Variants in PGF observed in about 807,000 individuals in gnomAD.
PGF encodes the protein placenta growth factor.
Under a neutral mutation model 25.3 loss-of-function variants are expected in PGF, and 11 were observed. The observed-to-expected ratio is 0.43, with a 90% CI of 0.27 to 0.72. PGF has a LOEUF of 0.72. Among genes scored for constraint, PGF ranks in the 30% least tolerant of loss-of-function variants. The pLI, the probability that PGF is intolerant of heterozygous loss-of-function variation, is 0.18. For missense variants in PGF, 230 were observed against 234.9 expected, an observed-to-expected ratio of 0.98 and a Z score of 0.14; for synonymous variants, 105 against 97.9, an observed-to-expected ratio of 1.07 and a Z score of -0.43.
chr14:74,947,151 G>T, intron 4 of PGF: 1 of 439,262 alleles, frequency 2.3e-6, no homozygotes, highest in Non-Finnish European at 4.0e-6. Context: ...GGACTGTCTG[G>T]TTGTACCTCT....
chr14:74,950,859 C>T lies in PGF; in HGVS notation c.119-1306G>A, dbSNP rs957910901. On this transcript the variant is annotated intron_variant, in intron 2 of 6. Transcript: ENST00000555567. The surrounding 1 kb of genome is among the most constrained non-coding windows in gnomAD (Gnocchi z 4.1). ...TCCTGCTCTGCATCTGATGGTCATC[C>T]TCAGCTAGTGGGGAAGAATGGGGAG... Among the ~76,000 whole-genome samples the T allele has an allele frequency of 2.0e-5, 3 of 152,210 alleles. No individual in the cohort carries two copies. The highest frequency in any genetic ancestry group is 7.2e-5 in the African/African-American group (3 of 41,450).
chr14:74,948,514 C>A lies in PGF; in HGVS notation c.385G>T (p.Glu129Ter). The change falls in exon 4 of 7, where the codon GAA becomes TAA. Residue 129 changes from glutamate (E) to a stop codon, truncating the protein, a stop_gained. Coordinates refer to ENST00000555567, the MANE Select transcript of PGF (RefSeq NM_002632.6). LOFTEE classifies it high-confidence loss of function. ...CCGACCCCGGAGACCTACCGGCATT[C>A]GCAGCGAACGTGCTGAGAGAACGTC... ...ELTFSQHVRC[E>*]CRPLREKMKP... 6.3e-7 allele frequency: 1 copy of A among 1,591,586 alleles called. No homozygotes were observed. Among genetic ancestry groups the A allele is most frequent in the Admixed American group, 1.7e-5 (1 of 59,182 alleles).
intron 1 of PGF, chr14:74,954,221 A>C: frequency 2.1e-6 from 1 of 479,162 alleles, no homozygotes; most frequent in Non-Finnish European, 3.8e-6. Context: ...CATCCCAAAG[A>C]TCTTCCAATC....
At chr14:74,951,542 G>A (rs747168627) in intron 2 of PGF, among the ~76,000 whole-genome samples, 8 of 152,238 alleles carry the variant, frequency 5.3e-5, no homozygotes, top group Non-Finnish European at 1.0e-4. Flanking sequence ...GGGACCAGCC[G>A]TCAGCGAGGG....
intron 2 of PGF, among the ~76,000 whole-genome samples, chr14:74,952,025 G>A (rs1170136494): frequency 6.6e-6 from 1 of 152,092 alleles, no homozygotes; most frequent in Non-Finnish European, 1.5e-5. Context: ...GGAGGTGAGA[G>A]CAACGGGAAG....
At chr14:74,954,341 G>A (rs1299713320) in intron 1 of PGF, 1 of 236,480 alleles carries the variant, frequency 4.2e-6, no homozygotes, top group African/African-American at 2.2e-5. Flanking sequence ...GGTGGGAGCT[G>A]AGGGGCTGGA....
intron 2 of PGF, among the ~76,000 whole-genome samples, chr14:74,952,387 G>A (rs1244231663): frequency 1.3e-5 from 2 of 152,226 alleles, no homozygotes; most frequent in African/African-American, 2.4e-5. Flanking sequence ...GGAGCACTTG[G>A]TTCTGCCAGA....
At chr14:74,951,532 G>A (rs973170912) in intron 2 of PGF, among the ~76,000 whole-genome samples, 1 of 152,222 alleles carries the variant, frequency 6.6e-6, no homozygotes, top group African/African-American at 2.4e-5. Flanking sequence ...TTCCTGCCCT[G>A]GGACCAGCCG....
Position 74,955,109 on chromosome 14 carries a change from G to A in PGF, c.75+59C>T. On this transcript the variant is annotated intron_variant, in intron 1 of 6. Coordinates refer to ENST00000555567, the MANE Select transcript of PGF (RefSeq NM_002632.6). This position sits in a 1 kb window ranked among gnomAD's most constrained non-coding sequence, Gnocchi z 4.1. Reference sequence around the variant, plus strand: ...TGGGTCTGTGATTTCAGAGTCCCATGCTTCCAGTGCTGGGATGGGGAGGTC... The same window carrying A: ...TGGGTCTGTGATTTCAGAGTCCCATACTTCCAGTGCTGGGATGGGGAGGTC... 1 of 949,078 alleles carries A rather than the reference G, an allele frequency of 1.1e-6. No homozygotes were observed. The highest frequency in any genetic ancestry group is 3.5e-5 in the Admixed American group (1 of 28,824). The allele number at this position is 949,078 out of a possible 1,614,324, so 58.8% of individuals were successfully genotyped here.
chr14:74,943,104 TGC>T (rs1415369098), intron 6 of PGF, among the ~76,000 whole-genome samples: 1 of 152,178 alleles, frequency 6.6e-6, no homozygotes, highest in African/African-American at 2.4e-5. Flanking sequence ...TCACACTCCA[TGC>T]AATCATGCCT....
Position 74,950,117 on chromosome 14 carries a change from C to T in PGF, c.119-564G>A, listed in dbSNP as rs2140407164. On this transcript the variant is annotated intron_variant, in intron 2 of 6. Coordinates refer to ENST00000555567, the MANE Select transcript of PGF (RefSeq NM_002632.6). The surrounding 1 kb of genome is among the most constrained non-coding windows in gnomAD (Gnocchi z 4.1). Reference sequence around the variant, plus strand: ...CAGCGCTCACACTGAGCCACGGCAGCACCACATTCACTCCCAGCTCTGGCT... The same window carrying T: ...CAGCGCTCACACTGAGCCACGGCAGTACCACATTCACTCCCAGCTCTGGCT... 6.6e-6 allele frequency among the ~76,000 whole-genome samples: 1 copy of T among 152,296 alleles called. No individual in the cohort carries two copies. The highest frequency in any genetic ancestry group is 1.9e-4 in the East Asian group (1 of 5,182).
intron 6 of PGF, among the ~76,000 whole-genome samples, chr14:74,943,557 T>A (rs1888651032): frequency 6.6e-6 from 1 of 152,236 alleles, no homozygotes; most frequent in Non-Finnish European, 1.5e-5. Flanking sequence ...TTGAGTGACA[T>A]CTAGTCTCAT....
Position 74,942,713 on chromosome 14 carries a change from CG to C in PGF, c.505del (p.Arg169GlyfsTer42). On this transcript the variant is annotated frameshift_variant, in exon 7 of 7. Transcript: ENST00000555567. LOFTEE classifies it high-confidence loss of function. ...DCHLCGDAVP[R>X]R ...TCTCCTCCAAGGGGTGGGTTACCTC[CG>C]GGGAACAGCATCGCCGCACCTGCCA... The C allele has an allele frequency of 6.2e-7, 1 of 1,611,602 alleles. No individual in the cohort carries two copies. The highest frequency in any genetic ancestry group is 8.5e-7 in the Non-Finnish European group (1 of 1,179,068).
rs1888729939 is a variant in PGF at position 74,946,224 on chromosome 14, T to A, written c.474A>T (p.Thr158=). 6.2e-7 allele frequency: 1 copy of A among 1,614,064 alleles called. No individual in the cohort carries two copies. The highest frequency in any genetic ancestry group is 1.7e-5 in the Admixed American group (1 of 60,020). ...CCCCGCACACTCACAGGTGGCAGTC[T>A]GTGGGTCTCTGCTTCTCTCTCCTCC... ...GKRRREKQRP[T]DCHLCGDAVP... The change falls in exon 6 of 7, where the codon ACA becomes ACT. Residue 158 remains threonine, a synonymous_variant. Coordinates refer to ENST00000555567, the MANE Select transcript of PGF (RefSeq NM_002632.6).
intron 6 of PGF, 94 bp downstream of exon 6, chr14:74,946,119 C>T (rs1306981089): frequency 1.8e-6 from 2 of 1,136,562 alleles, no homozygotes; most frequent in African/African-American, 1.5e-5. Context: ...GGCCTCAGTC[C>T]TGCCTCTCCC....
At chr14:74,947,287 C>G (rs1888761737) in intron 4 of PGF, 1 of 200,840 alleles carries the variant, frequency 5.0e-6, no homozygotes, top group African/African-American at 2.3e-5. Context: ...GCATTGCACC[C>G]AGGAGGGTTC....
Position 74,953,918 on chromosome 14 carries a change from G to C in PGF, c.104C>G (p.Ser35Trp), listed in dbSNP as rs35014548. 6.2e-7 allele frequency: 1 copy of C among 1,613,894 alleles called. No individual in the cohort carries two copies. Among genetic ancestry groups the C allele is most frequent in the Non-Finnish European group, 8.5e-7 (1 of 1,179,984 alleles). The stretch of plus-strand genomic sequence containing the variant: ...GGCCAGCTTACCTTCCACCTCTGAC[G>C]AGCCGTTCCCAGCAGACAAGGCCCA... ...QQWALSAGNG[S>W]SEVEVVPFQE... Residue 35 changes from serine to tryptophan, a missense_variant, in exon 2 of 7, where the codon TCG (serine) becomes TGG (tryptophan). Physicochemically the swap from Ser to Trp is radical, Grantham distance 177 (BLOSUM62 -3). Coordinates refer to ENST00000555567, the MANE Select transcript of PGF (RefSeq NM_002632.6). The surrounding 1 kb of genome is among the most constrained non-coding windows in gnomAD (Gnocchi z 5.4).
In PGF at chr14:74,946,130, C is replaced by G. The variant is rs1346548571; in HGVS notation, c.485+83G>C. The G allele has an allele frequency of 3.8e-6, 5 of 1,304,346 alleles. No homozygotes were observed. The Admixed American group carries it at 6.8e-5, about 18-fold the overall frequency. 80.8% of individuals were successfully genotyped at this position (1,304,346 alleles called of 1,614,324 possible). ...GACTGGCCTCAGTCCTGCCTCTCCC[C>G]CTCCCCAACCTAACCCTGGCGGCAA... On this transcript the variant is annotated intron_variant, in intron 6 of 6. Coordinates refer to ENST00000555567, the MANE Select transcript of PGF (RefSeq NM_002632.6).
chr14:74,955,671 G>T (rs892660294), upstream of PGF: 2 of 154,944 alleles, frequency 1.3e-5, no homozygotes, highest in Admixed American at 1.3e-4. The surrounding 1 kb of genome is among the most constrained non-coding windows in gnomAD (Gnocchi z 4.1). Flanking sequence ...CCCGCCCACC[G>T]CAGACGAGGT....
Sources: allele counts gnomAD v4.1 joint callset (sites outside exome capture counted in the v4.1 genomes callset), GRCh38; gene constraint gnomAD v4.1.1; non-coding constraint Gnocchi (gnomAD v3.1); transcripts MANE v1.5; gene names NCBI Gene and HGNC (gene_info 2026-07-23, HGNC 2026-07-21).